C3orf20: variants seen among roughly 807,000 people sequenced by gnomAD.
C3orf20 encodes uncharacterized protein C3orf20.
A neutral mutation model predicts 88.3 loss-of-function variants in C3orf20; 76 were observed. The observed-to-expected ratio is 0.86, with a 90% CI of 0.72 to 1.04. The LOEUF is 1.04. Ranked by LOEUF, C3orf20 falls within the 50% of genes least tolerant of loss-of-function variation. The probability of loss-of-function intolerance (pLI) is 0.00; values close to 1 mark genes in which losing one functional copy is unlikely to be tolerated. For missense variants in C3orf20, 1,056 were observed against 1,123.3 expected, an observed-to-expected ratio of 0.94 and a Z score of 0.86; for synonymous variants, 436 against 437.4, an observed-to-expected ratio of 1.00 and a Z score of 0.04.
At chr3:14,688,179 C>T (rs999915517) in intron 4 of C3orf20, among the ~76,000 whole-genome samples, 7 of 152,108 alleles carry the variant, frequency 4.6e-5, no homozygotes, top group South Asian at 2.1e-4. Context: ...TTTTCGGGAC[C>T]GTCCTCTTAT....
At chr3:14,704,055 CA>C (rs1422105054) in intron 6 of C3orf20, among the ~76,000 whole-genome samples, 1 of 152,138 alleles carries the variant, frequency 6.6e-6, no homozygotes, top group Non-Finnish European at 1.5e-5. Flanking sequence ...TTCAAACCCC[CA>C]GGACCCACCC....
At chr3:14,733,878 G>A (rs1026898969) in intron 12 of C3orf20, among the ~76,000 whole-genome samples, 20 of 151,994 alleles carry the variant, frequency 1.3e-4, no homozygotes, top group Admixed American at 3.3e-4. Context: ...TAGTAGGGAC[G>A]GGGTTTCACC....
At chr3:14,737,356 G>A (rs2034749098) in intron 12 of C3orf20, among the ~76,000 whole-genome samples, 1 of 151,850 alleles carries the variant, frequency 6.6e-6, no homozygotes, top group South Asian at 2.1e-4. Flanking sequence ...GCATACCTTG[G>A]AAATATTGTA....
chr3:14,691,739 A>G (rs1449063513), intron 5 of C3orf20, among the ~76,000 whole-genome samples: 1 of 152,176 alleles, frequency 6.6e-6, no homozygotes, highest in African/African-American at 2.4e-5. Context: ...CACCTTATGC[A>G]TTTATCCTTT....
intron 12 of C3orf20, among the ~76,000 whole-genome samples, chr3:14,746,103 T>C (rs538077800): frequency 5.3e-5 from 8 of 152,326 alleles, no homozygotes; most frequent in African/African-American, 1.9e-4. Flanking sequence ...AATAAAAATA[T>C]AGAGATGAAT....
At chr3:14,718,418 T>C (rs1397013688) in intron 9 of C3orf20, among the ~76,000 whole-genome samples, 1 of 152,230 alleles carries the variant, frequency 6.6e-6, no homozygotes, top group Non-Finnish European at 1.5e-5. Flanking sequence ...ATTTCTCTGC[T>C]GAGATTCCAT....
chr3:14,743,209 G>T (rs1293678475), intron 12 of C3orf20, among the ~76,000 whole-genome samples: 1 of 151,968 alleles, frequency 6.6e-6, no homozygotes, highest in East Asian at 1.9e-4. Context: ...TACAATGGGG[G>T]TACAGGTATT....
rs1310384235 is a variant in C3orf20 at position 14,726,924 on chromosome 3, G to C, written c.1590G>C (p.Met530Ile). ...AGCTGAACCGCAGAATCAGCAACAT[G>C]GACGACAAGGTGTATAAGATGAGCC... ...DKRLNRRISN[M>I]DDKVYKMSRA... The change falls in exon 11 of 17, where the codon ATG becomes ATC. Residue 530 changes from methionine to isoleucine, a missense_variant. Physicochemically the swap from Met to Ile is conservative, Grantham distance 10 (BLOSUM62 1). Coordinates refer to ENST00000253697, the MANE Select transcript of C3orf20 (RefSeq NM_032137.5). 1 of 1,613,992 alleles carries C rather than the reference G, an allele frequency of 6.2e-7. No individual in the cohort carries two copies. The highest frequency in any genetic ancestry group is 1.3e-5 in the African/African-American group (1 of 74,894).
rs376153805 is a variant in C3orf20, at chr3:14,757,681, C to G, written c.2244+7C>G. The G allele has an allele frequency of 8.8e-5, 141 of 1,606,504 alleles. No homozygotes were observed. Among genetic ancestry groups the G allele is most frequent in the Non-Finnish European group, 1.2e-4 (140 of 1,175,258 alleles). ...TGGCTCCCCCTGCATCCAGGTTGGTCTGGGCCCAGTGAGGAGGCCCTGGAG... is the reference window on the plus strand; with the variant it reads ...TGGCTCCCCCTGCATCCAGGTTGGTGTGGGCCCAGTGAGGAGGCCCTGGAG... On this transcript the variant is annotated splice_region_variant and intron_variant, in intron 13 of 16. Coordinates refer to ENST00000253697, the MANE Select transcript of C3orf20 (RefSeq NM_032137.5).
intron 5 of C3orf20, among the ~76,000 whole-genome samples, chr3:14,690,356 C>G (rs1478044593): frequency 6.6e-6 from 1 of 152,220 alleles, no homozygotes; most frequent in East Asian, 1.9e-4. Flanking sequence ...CTTGCTCATG[C>G]CCTACATTCC....
intron 12 of C3orf20, among the ~76,000 whole-genome samples, chr3:14,747,255 A>G (rs775873653): frequency 7.9e-5 from 12 of 152,358 alleles, no homozygotes; most frequent in Non-Finnish European, 1.8e-4. Context: ...TAAGAGTCTC[A>G]TTATGATATG....
rs1467832289 is a variant in C3orf20 at position 14,690,088 on chromosome 3, T to C, written c.717T>C (p.Ser239=). 1 of 1,614,190 alleles carries C rather than the reference T, an allele frequency of 6.2e-7. No homozygotes were observed. Among genetic ancestry groups the C allele is most frequent in the Non-Finnish European group, 8.5e-7 (1 of 1,180,024 alleles). Residue 239 remains serine (S), a synonymous_variant, in exon 5 of 17, where the codon TCT becomes TCC. Transcript: ENST00000253697. ...CAGCCTGTCTGAGCTTTTCTCTCTC[T>C]GCTGGAAAAGAAGCCAAGAAGAAAA... ...SSTACLSFSL[S]AGKEAKKKIG... is the part of the protein sequence containing the mutation.
intron 1 of C3orf20, among the ~76,000 whole-genome samples, chr3:14,676,369 C>G (rs773786335): frequency 3.3e-5 from 5 of 152,234 alleles, no homozygotes; most frequent in Non-Finnish European, 7.4e-5. Context: ...AAAGAAAAGG[C>G]TTTGTATCTC....
chr3:14,737,116 GT>G (rs2125002889), intron 12 of C3orf20, among the ~76,000 whole-genome samples: 1 of 151,900 alleles, frequency 6.6e-6, no homozygotes, highest in African/African-American at 2.4e-5. Flanking sequence ...AATTTTCATT[GT>G]ACTTATCCAG....
intron 4 of C3orf20, among the ~76,000 whole-genome samples, chr3:14,686,193 C>CGTGTGTGTGTGT (rs58844982): frequency 0.59 from 88,259 of 149,370 alleles, 26,265 homozygotes; most frequent in Middle Eastern, 0.69. Flanking sequence ...GAATCATATT[C>CGTGTGTGTGTGT]GTGTGTGTGT....
chr3:14,741,409 A>G (rs1030827347), intron 12 of C3orf20, among the ~76,000 whole-genome samples: 1 of 152,170 alleles, frequency 6.6e-6, no homozygotes, highest in Non-Finnish European at 1.5e-5. Flanking sequence ...TTGAAAGGTA[A>G]AAGAGTTCTA....
intron 15 of C3orf20, among the ~76,000 whole-genome samples, chr3:14,763,993 A>G (rs2035631070): frequency 6.6e-6 from 1 of 152,240 alleles, no homozygotes; most frequent in African/African-American, 2.4e-5. Context: ...ACACATACAT[A>G]CACACAAACC....
chr3:14,708,887 G>T (rs148575296), intron 7 of C3orf20, among the ~76,000 whole-genome samples: 2 of 151,944 alleles, frequency 1.3e-5, no homozygotes, highest in African/African-American at 4.8e-5. Flanking sequence ...TGAGTGATCC[G>T]CCCACTTCAG....
At chr3:14,740,852 C>T (rs1184187008) in intron 12 of C3orf20, among the ~76,000 whole-genome samples, 1 of 152,100 alleles carries the variant, frequency 6.6e-6, no homozygotes, top group Admixed American at 6.6e-5. Context: ...CCAGTGGATT[C>T]ATTTTTATTC....
Sources: allele counts gnomAD v4.1 joint callset (sites outside exome capture counted in the v4.1 genomes callset), GRCh38; gene constraint gnomAD v4.1.1; transcripts MANE v1.5; gene names NCBI Gene and HGNC (gene_info 2026-07-23, HGNC 2026-07-21).